The following TMPRSS3 variants were observed in gnomAD, a reference collection of about 807,000 sequenced individuals.
TMPRSS3 encodes transmembrane protease serine 3.
In TMPRSS3, 55 loss-of-function variants were observed where a neutral mutation model predicts 59.6. The observed-to-expected ratio is 0.92, with a 90% confidence interval of 0.74 to 1.16. The LOEUF is 1.16. TMPRSS3 is among the 50% of genes most tolerant of loss of function. TMPRSS3 has a pLI of 0.00. For synonymous variants in TMPRSS3, 257 were observed against 237.7 expected, an observed-to-expected ratio of 1.08 and a Z score of -0.75; for missense variants, 596 against 579.4, an observed-to-expected ratio of 1.03 and a Z score of -0.29.
At chr21:42,376,233 G>A (rs575389609) in intron 11 of TMPRSS3, among the ~76,000 whole-genome samples, 55 of 152,152 alleles carry the variant, frequency 3.6e-4, no homozygotes, top group African/African-American at 1.2e-3. Flanking sequence ...TGCAGCTTTC[G>A]GAGGGCCAGA....
In TMPRSS3 at chr21:42,380,206, A is replaced by T. The variant is rs1259713429; in HGVS notation, c.959T>A (p.Ile320Asn). 1 of 1,613,752 alleles carries T rather than the reference A, an allele frequency of 6.2e-7. No individual in the cohort carries two copies. Among genetic ancestry groups the T allele is most frequent in the Non-Finnish European group, 8.5e-7 (1 of 1,179,720 alleles). Residue 320 changes from isoleucine to asparagine, a missense_variant, in exon 10 of 13, where the codon ATC (isoleucine) becomes AAC (asparagine). Physicochemically the swap from Ile to Asn is moderately radical, Grantham distance 149. Coordinates refer to ENST00000644384, the MANE Select transcript of TMPRSS3 (RefSeq NM_001256317.3). Reference sequence around the variant, plus strand: ...AGAGTTGGGCAGGCACACAGGCTGGATCATTTCTGCTTGAAGGGAAACAAT... The same window carrying T: ...AGAGTTGGGCAGGCACACAGGCTGGTTCATTTCTGCTTGAAGGGAAACAAT... ...LAGPLTFNEMIQPVCLPNSEE... is the reference protein window; with the variant it reads ...LAGPLTFNEMNQPVCLPNSEE...
chr21:42,380,592 A>C (rs2052510677), intron 9 of TMPRSS3, among the ~76,000 whole-genome samples: 1 of 152,208 alleles, frequency 6.6e-6, no homozygotes, highest in Non-Finnish European at 1.5e-5. Context: ...TGTCCAGTAA[A>C]ATGTCTATTT....
In TMPRSS3 at chr21:42,388,390, C is replaced by T. The variant is rs1568888300; in HGVS notation, c.446+13G>A. ...GTGTTTTGCCCATGGGTTGGAAATG[C>T]TCTTTAACTTACCTTGGGAAACCCA... On this transcript the variant is annotated intron_variant, in intron 5 of 12. Transcript: ENST00000644384. The surrounding 1 kb of genome is among the most constrained non-coding windows in gnomAD (Gnocchi z 5.1). The T allele has an allele frequency of 6.2e-7, 1 of 1,614,216 alleles. No homozygotes were observed. Among genetic ancestry groups the T allele is most frequent in the Non-Finnish European group, 8.5e-7 (1 of 1,180,044 alleles).
chr21:42,383,846 T>G, intron 7 of TMPRSS3, 124 bp downstream of exon 7: 2 of 1,020,102 alleles, frequency 2.0e-6, no homozygotes, highest in Non-Finnish European at 3.0e-6. Flanking sequence ...TACACAGAGT[T>G]CCCGCCTGGC....
At chr21:42,377,615 GC>G (rs1422865564) in intron 10 of TMPRSS3, among the ~76,000 whole-genome samples, 3 of 152,170 alleles carry the variant, frequency 2.0e-5, no homozygotes, top group African/African-American at 7.2e-5. Flanking sequence ...GGCCAAGCAC[GC>G]CCCCGACACC....
intron 12 of TMPRSS3, among the ~76,000 whole-genome samples, chr21:42,375,461 C>CCTCCTTTCCCAT (rs924099064): frequency 6.6e-6 from 1 of 151,752 alleles, no homozygotes; most frequent in African/African-American, 2.4e-5. Context: ...TTTCCCATGT[C>CCTCCTTTCCCAT]GTGAGGCTCC....
At chr21:42,395,003 G>T (rs2052783568) in intron 2 of TMPRSS3, among the ~76,000 whole-genome samples, 1 of 152,164 alleles carries the variant, frequency 6.6e-6, no homozygotes, top group Admixed American at 6.5e-5. Context: ...AGGACTTCCT[G>T]GAGGACTCAG....
intron 11 of TMPRSS3, 87 bp downstream of exon 11, chr21:42,376,454 G>A (rs1049349724): frequency 1.3e-6 from 2 of 1,576,374 alleles, no homozygotes; most frequent in African/African-American, 2.7e-5. Flanking sequence ...TTTACTTTTT[G>A]TCCTGTCACA....
intron 2 of TMPRSS3, among the ~76,000 whole-genome samples, chr21:42,391,839 C>T (rs1035283765): frequency 6.6e-6 from 1 of 152,192 alleles, no homozygotes; most frequent in African/African-American, 2.4e-5. Context: ...AGGCCCTTTA[C>T]AGTTCTTGCC....
At chr21:42,383,685 GA>G (rs1568883876) in intron 7 of TMPRSS3, 4 of 642,930 alleles carry the variant, frequency 6.2e-6, no homozygotes, top group Non-Finnish European at 1.2e-5. Flanking sequence ...AGTGGGAACT[GA>G]GTCAGGGACT....
At position 42,383,260 on chromosome 21, in the gene TMPRSS3, C is replaced by T; in HGVS notation, c.617-62G>A. The stretch of plus-strand genomic sequence containing the variant: ...CAGACTTCTTTGGGGGACATGGTGT[C>T]ACCACCATGCACCTGCTCCTCTCTC... On this transcript the variant is annotated intron_variant, in intron 7 of 12. Coordinates refer to ENST00000644384, the MANE Select transcript of TMPRSS3 (RefSeq NM_001256317.3). 2.6e-6 allele frequency: 4 copies of T among 1,532,024 alleles called. No individual in the cohort carries two copies. The African/African-American group carries it at 5.5e-5, about 21-fold the overall frequency. 94.9% of individuals were successfully genotyped at this position (1,532,024 alleles called of 1,614,324 possible).
At chr21:42,379,554 T>G (rs1268387868) in intron 10 of TMPRSS3, among the ~76,000 whole-genome samples, 1 of 152,118 alleles carries the variant, frequency 6.6e-6, no homozygotes, top group African/African-American at 2.4e-5. Flanking sequence ...AGAAAGTGAT[T>G]GATGGAAAAA....
intron 5 of TMPRSS3, among the ~76,000 whole-genome samples, chr21:42,386,978 G>A (rs2052644463): frequency 6.6e-6 from 1 of 152,116 alleles, no homozygotes. Flanking sequence ...GCAATATTGG[G>A]GTGAGAGATG....
At chr21:42,375,977 C>T (rs546205352) in intron 11 of TMPRSS3, 109 bp from the exon 12 acceptor site, 2 of 1,418,218 alleles carry the variant, frequency 1.4e-6, no homozygotes, top group Admixed American at 1.7e-5. Flanking sequence ...TTGGGACCCC[C>T]CTTCATGATG....
At chr21:42,383,702 C>T in intron 7 of TMPRSS3, 2 of 670,660 alleles carry the variant, frequency 3.0e-6, no homozygotes, top group Non-Finnish European at 5.6e-6. Flanking sequence ...GGACTCAAGG[C>T]TCTTCAGAGT....
chr21:42,384,086 T>A (rs1414112970), intron 6 of TMPRSS3, 73 bp from the exon 7 acceptor site: 3 of 1,446,042 alleles, frequency 2.1e-6, no homozygotes, highest in Non-Finnish European at 2.9e-6. Context: ...AAAAACTCAA[T>A]CTTAGGGTAA....
chr21:42,380,522 T>C (rs1601520574), intron 9 of TMPRSS3, among the ~76,000 whole-genome samples: 1 of 152,236 alleles, frequency 6.6e-6, no homozygotes, highest in South Asian at 2.1e-4. Flanking sequence ...GTGCGGTCTC[T>C]GGCTGCCATT....
intron 2 of TMPRSS3, among the ~76,000 whole-genome samples, chr21:42,393,745 C>G (rs183911851): frequency 1.3e-5 from 2 of 152,350 alleles, no homozygotes; most frequent in East Asian, 3.9e-4. Flanking sequence ...AACGACCCCA[C>G]TCTGCTGTTA....
In TMPRSS3 at chr21:42,395,408, T is replaced by A; in HGVS notation, c.10A>T (p.Asn4Tyr). ...GGGGCTTCAACAGCAGGCGGATCAT[T>A]TTCCCCCATGGTGACTATTTCAGGA... is the stretch of plus-strand genomic sequence containing the variant. MGE[N>Y]DPPAVEAPFS... The change falls in exon 2 of 13, where the codon AAT (asparagine) becomes TAT (tyrosine). Residue 4 changes from asparagine (N) to tyrosine (Y), a missense_variant. Physicochemically the swap from Asn to Tyr is moderately radical, Grantham distance 143 (BLOSUM62 -2). Coordinates refer to ENST00000644384, the MANE Select transcript of TMPRSS3 (RefSeq NM_001256317.3). The A allele has an allele frequency of 6.2e-7, 1 of 1,614,092 alleles. No individual in the cohort carries two copies. The highest frequency in any genetic ancestry group is 8.5e-7 in the Non-Finnish European group (1 of 1,179,976).
Sources: gnomAD v4.1 joint callset for allele counts (sites outside exome capture counted in the v4.1 genomes callset) on GRCh38, gnomAD v4.1.1 for gene constraint, Gnocchi (gnomAD v3.1) non-coding constraint, MANE v1.5 for transcripts, NCBI Gene and HGNC (gene_info 2026-07-23, HGNC 2026-07-21) for gene names.